The following MICA variants were observed in gnomAD, a reference collection of about 807,000 sequenced individuals.
MICA encodes MHC class I polypeptide-related sequence A.
A neutral mutation model predicts 34.3 loss-of-function variants in MICA; 18 were observed. That is an observed-to-expected ratio of 0.52 (90% CI 0.36 to 0.78). The LOEUF is 0.78. MICA is among the 30% of genes least tolerant of loss of function. The pLI is 0.00. For missense variants in MICA, 333 were observed against 409.4 expected, an observed-to-expected ratio of 0.81 and a Z score of 1.61; for synonymous variants, 135 against 156.9, an observed-to-expected ratio of 0.86 and a Z score of 1.04.
At position 31,411,151 on chromosome 6, in the gene MICA, C is replaced by T. The variant is rs41553614; in HGVS notation, c.405C>T (p.Tyr135=). The change falls in exon 3 of 6, where the codon TAC becomes TAT. Residue 135 remains tyrosine, a synonymous_variant. Coordinates refer to ENST00000449934, the MANE Select transcript of MICA (RefSeq NM_001177519.3). The surrounding 1 kb of genome is among the most constrained non-coding windows in gnomAD (Gnocchi z 4.3). ...NSTRSSQHFY[Y]DGELFLSQNL... ...CCAGGAGCTCCCAGCATTTCTACTA[C>T]GATGGGGAGCTCTTCCTCTCCCAAA... The T allele has an allele frequency of 0.016, 26,395 of 1,612,372 alleles. 471 individuals carry two copies. The highest frequency in any genetic ancestry group is 0.098 in the Middle Eastern group (592 of 6,062).
Position 31,403,712 on chromosome 6 carries a change from G to T in MICA, c.70+10G>T. 2 of 1,526,778 alleles carry T rather than the reference G, an allele frequency of 1.3e-6. No homozygotes were observed. The highest frequency in any genetic ancestry group is 1.8e-4 in the Middle Eastern group (1 of 5,546). 94.6% of individuals were successfully genotyped at this position (1,526,778 alleles called of 1,614,324 possible). On this transcript the variant is annotated intron_variant, in intron 1 of 5. Transcript: ENST00000449934. The surrounding 1 kb of genome is among the most constrained non-coding windows in gnomAD (Gnocchi z 4.7). ...CCGGGAGCTGCTGCTGGTGAGTGGCGTTCCTGGCGGTCCTCGGCGGAGCGG... is the reference window on the plus strand; with the variant it reads ...CCGGGAGCTGCTGCTGGTGAGTGGCTTTCCTGGCGGTCCTCGGCGGAGCGG...
At chr6:31,403,389 C>A (rs1273055046), upstream of MICA, among the ~76,000 whole-genome samples, 1 of 151,920 alleles carries the variant, frequency 6.6e-6, no homozygotes, top group Non-Finnish European at 1.5e-5. This position sits in a 1 kb window ranked among gnomAD's most constrained non-coding sequence, Gnocchi z 4.7. Context: ...TTAGGCTGCG[C>A]TCCCGCGTGC....
chr6:31,407,275 T>C (rs1297316348), intron 1 of MICA, among the ~76,000 whole-genome samples: 1 of 151,998 alleles, frequency 6.6e-6, no homozygotes, highest in African/African-American at 2.4e-5. Context: ...TCACTCTTGT[T>C]GCCCAGGCTA....
chr6:31,415,306 G>A lies in MICA; in HGVS notation c.*324G>A, dbSNP rs9266831. On this transcript the variant is annotated 3_prime_UTR_variant, in exon 6 of 6. Coordinates refer to ENST00000449934, the MANE Select transcript of MICA (RefSeq NM_001177519.3). ...GTAGATATGAGGCATTTGCAGCTGT[G>A]CCATATTAATTGGTGTCATTGTTTT... 124,553 of 454,802 alleles carry A rather than the reference G, an allele frequency of 0.27. 18,663 individuals are homozygous for A. The highest frequency in any genetic ancestry group is 0.39 in the African/African-American group (18,969 of 48,490). 28.2% of individuals were successfully genotyped at this position (454,802 alleles called of 1,614,324 possible). A position where few individuals can be genotyped will look rare whatever the true frequency, so the allele number is the denominator to read the frequency against.
upstream of MICA, among the ~76,000 whole-genome samples, chr6:31,403,131 G>A (rs1770531963): frequency 6.6e-6 from 1 of 151,872 alleles, no homozygotes; most frequent in African/African-American, 2.4e-5. This position sits in a 1 kb window ranked among gnomAD's most constrained non-coding sequence, Gnocchi z 4.7. Flanking sequence ...TGGTCTCATT[G>A]CCAGTAACGC....
upstream of MICA, among the ~76,000 whole-genome samples, chr6:31,401,462 G>T (rs779741783): frequency 6.6e-6 from 1 of 151,632 alleles, no homozygotes; most frequent in East Asian, 1.9e-4. Context: ...AAGAAGAAAC[G>T]GACACATTTC....
chr6:31,404,703 C>T (rs1344316461), intron 1 of MICA, among the ~76,000 whole-genome samples: 2 of 151,998 alleles, frequency 1.3e-5, no homozygotes, highest in Non-Finnish European at 2.9e-5. Context: ...TCCAGACCCC[C>T]AAGGGGAACC....
intron 1 of MICA, among the ~76,000 whole-genome samples, chr6:31,404,892 C>G (rs1417013790): frequency 2.0e-5 from 3 of 151,590 alleles, no homozygotes; most frequent in Non-Finnish European, 4.4e-5. Context: ...TGGACCATCC[C>G]TCCCTGGTCC....
chr6:31,407,754 CTT>C, intron 1 of MICA, among the ~76,000 whole-genome samples: 1 of 151,846 alleles, frequency 6.6e-6, no homozygotes, highest in East Asian at 1.9e-4. Context: ...TTGGTGGAGT[CTT>C]TAGGTTTTTC....
chr6:31,408,313 A>G (rs1161543430), intron 1 of MICA, among the ~76,000 whole-genome samples: 1 of 151,748 alleles, frequency 6.6e-6, no homozygotes, highest in Non-Finnish European at 1.5e-5. Context: ...TTTCTTTTTT[A>G]TGATGTGTCT....
chr6:31,405,179 A>T (rs145932762), intron 1 of MICA, among the ~76,000 whole-genome samples: 3,678 of 150,660 alleles, frequency 0.024, 83 homozygotes, highest in Middle Eastern at 0.051. Context: ...GACCTAAAAC[A>T]GGCTGTTGGG....
intron 1 of MICA, among the ~76,000 whole-genome samples, chr6:31,407,063 G>C (rs1333402671): frequency 2.6e-5 from 4 of 151,714 alleles, no homozygotes; most frequent in Non-Finnish European, 5.9e-5. Context: ...ATGCATTTTA[G>C]GATTATTTTT....
Position 31,411,885 on chromosome 6 carries a change from C to T in MICA, c.614-62C>T. The T allele has an allele frequency of 6.4e-7, 1 of 1,561,830 alleles. No individual in the cohort carries two copies. Among genetic ancestry groups the T allele is most frequent in the Non-Finnish European group, 8.7e-7 (1 of 1,155,324 alleles). ...GTGAGAACAGTGAAGAGAAACAGCC[C>T]TGTTCCTCTCCCCTCCTTAGAGGGG... is the stretch of plus-strand genomic sequence containing the variant. On this transcript the variant is annotated intron_variant, in intron 3 of 5. Transcript: ENST00000449934. The surrounding 1 kb of genome is among the most constrained non-coding windows in gnomAD (Gnocchi z 4.3).
At chr6:31,403,542 G>C, upstream of MICA, 2 of 1,049,848 alleles carry the variant, frequency 1.9e-6, no homozygotes, top group Non-Finnish European at 2.6e-6. The surrounding 1 kb of genome is among the most constrained non-coding windows in gnomAD (Gnocchi z 4.7). Context: ...TTGGATGAGC[G>C]GTCGGGGGAC....
In MICA at chr6:31,412,134, G is replaced by A. The variant is rs773671233; in HGVS notation, c.801G>A (p.Trp267Ter). Residue 267 changes from tryptophan (W) to a stop codon, truncating the protein, a stop_gained, in exon 4 of 6, where the codon TGG becomes TGA. Coordinates refer to ENST00000449934, the MANE Select transcript of MICA (RefSeq NM_001177519.3). LOFTEE classifies it high-confidence loss of function. ...ATGGGAATGGAACCTACCAGACCTG[G>A]GTGGCCACCAGGATTTGCCGAGGAG... is the stretch of plus-strand genomic sequence containing the variant. The part of the protein sequence containing the change: ...LPDGNGTYQT[W>*]VATRICRGEE... 3.7e-6 allele frequency: 6 copies of A among 1,612,930 alleles called. No homozygotes were observed. The East Asian group carries it at 1.3e-4, about 36-fold the overall frequency.
chr6:31,402,349 G>A (rs911056249), upstream of MICA: 1 of 152,032 alleles, frequency 6.6e-6, no homozygotes, highest in Non-Finnish European at 1.5e-5. Flanking sequence ...GCATCCTGGT[G>A]GGATAGGGTG....
intron 1 of MICA, among the ~76,000 whole-genome samples, chr6:31,404,083 C>T (rs1770609826): frequency 6.6e-6 from 1 of 151,776 alleles, no homozygotes; most frequent in Admixed American, 6.6e-5. Context: ...AGCCACAACC[C>T]CCGGTGCTCG....
Position 31,403,733 on chromosome 6 carries a change from A to C in MICA, c.70+31A>C. 1 of 1,520,368 alleles carries C rather than the reference A, an allele frequency of 6.6e-7. No individual in the cohort carries two copies. Among genetic ancestry groups the C allele is most frequent in the Admixed American group, 2.2e-5 (1 of 46,404 alleles). The allele number at this position is 1,520,368 out of a possible 1,614,324, so 94.2% of individuals were successfully genotyped here. A position where few individuals can be genotyped will look rare whatever the true frequency, so the allele number is the denominator to read the frequency against. ...TGGCGTTCCTGGCGGTCCTCGGCGG[A>C]GCGGGAGCAGTGGGACGTTTCCGGG... On this transcript the variant is annotated intron_variant, in intron 1 of 5. Coordinates refer to ENST00000449934, the MANE Select transcript of MICA (RefSeq NM_001177519.3). This position sits in a 1 kb window ranked among gnomAD's most constrained non-coding sequence, Gnocchi z 4.7.
intron 5 of MICA, among the ~76,000 whole-genome samples, chr6:31,414,629 C>T (rs116464382): frequency 0.027 from 4,147 of 152,066 alleles, 132 homozygotes; most frequent in Admixed American, 0.042. Flanking sequence ...GTAGGTGCCT[C>T]TGAAGGAGAG....
Sources: gnomAD v4.1 joint callset for allele counts (sites outside exome capture counted in the v4.1 genomes callset) on GRCh38, gnomAD v4.1.1 for gene constraint, Gnocchi (gnomAD v3.1) non-coding constraint, MANE v1.5 for transcripts, NCBI Gene and HGNC (gene_info 2026-07-23, HGNC 2026-07-21) for gene names.